Variants in EXOC1L observed in about 807,000 individuals in gnomAD.
EXOC1L encodes exocyst complex component 1 like.
Under a neutral mutation model 4.9 loss-of-function variants are expected in EXOC1L, and 10 were observed. That is an observed-to-expected ratio of 2.02 (90% CI 1.25 to 3.43). The LOEUF (loss-of-function observed/expected upper bound fraction) is 3.43, where lower values mean the gene tolerates loss of function less well. Among genes scored for constraint, EXOC1L ranks in the 30% most tolerant of loss-of-function variants. EXOC1L has a pLI of 0.00. For missense variants in EXOC1L, 114 were observed against 59.4 expected (o/e 1.92, Z -3.02); for synonymous variants, 41 against 20.8 (o/e 1.97, Z -2.63).
At chr4:55,824,270 C>T (rs947121497) in intron 1 of EXOC1L, among the ~76,000 whole-genome samples, 2 of 148,880 alleles carry the variant, frequency 1.3e-5, no homozygotes, top group Non-Finnish European at 3.0e-5. Context: ...CTCTCTCTCT[C>T]TCTCACACAC....
intron 2 of EXOC1L, among the ~76,000 whole-genome samples, chr4:55,834,775 C>T (rs912400568): frequency 6.6e-6 from 1 of 151,608 alleles, no homozygotes; most frequent in Non-Finnish European, 1.5e-5. Flanking sequence ...AAAACCACAC[C>T]ACCTTTATAC....
chr4:55,825,492 T>A (rs1474337844), intron 1 of EXOC1L, among the ~76,000 whole-genome samples: 1 of 152,186 alleles, frequency 6.6e-6, no homozygotes, highest in African/African-American at 2.4e-5. Flanking sequence ...TAAATCCAGG[T>A]CCACTTGTGC....
At chr4:55,830,673 T>C (rs1351993669) in intron 1 of EXOC1L, among the ~76,000 whole-genome samples, 3 of 152,152 alleles carry the variant, frequency 2.0e-5, no homozygotes, top group Non-Finnish European at 2.9e-5. Flanking sequence ...TTTTCCCATA[T>C]CTTTCAAAGT....
At chr4:55,833,302 A>G (rs566880625) in intron 2 of EXOC1L, among the ~76,000 whole-genome samples, 76 of 151,994 alleles carry the variant, frequency 5.0e-4, no homozygotes, top group African/African-American at 1.7e-3. Flanking sequence ...TTTCTAAAAT[A>G]TTACATCAAT....
At chr4:55,828,850 A>AAAACAAAC (rs372951187) in intron 1 of EXOC1L, among the ~76,000 whole-genome samples, 2,238 of 152,060 alleles carry the variant, frequency 0.015, 68 homozygotes, top group African/African-American at 0.051. Flanking sequence ...TTCAAAATGA[A>AAAACAAAC]AAACAAACAA....
chr4:55,831,583 G>T (rs537123418), intron 2 of EXOC1L, 119 bp downstream of exon 2: 1 of 475,494 alleles, frequency 2.1e-6, no homozygotes, highest in South Asian at 3.9e-5. Flanking sequence ...TATATTGTTC[G>T]TAAGTGGCAT....
rs573202106 is a variant in EXOC1L, at chr4:55,830,918, C to T, written c.122-416C>T. 7.9e-5 allele frequency among the ~76,000 whole-genome samples: 12 copies of T among 152,336 alleles called. No individual in the cohort carries two copies. The East Asian group carries it at 2.3e-3, about 29-fold the overall frequency. ...TGTTGCTGTAAAGCAGTACTGTTTA[C>T]TTCCATGACCTCATTTGCTTATATT... is the stretch of plus-strand genomic sequence containing the variant. On this transcript the variant is annotated intron_variant, in intron 1 of 2. Transcript: ENST00000636125.
At chr4:55,825,028 G>A (rs80272183) in intron 1 of EXOC1L, among the ~76,000 whole-genome samples, 6,123 of 152,220 alleles carry the variant, frequency 0.04, 415 homozygotes, top group Admixed American at 0.17. Context: ...GAGCTTTGAA[G>A]GGGGGAAGTA....
chr4:55,832,528 G>GGTTA (rs752567839), intron 2 of EXOC1L, among the ~76,000 whole-genome samples: 40 of 151,830 alleles, frequency 2.6e-4, no homozygotes, highest in Non-Finnish European at 5.0e-4. Flanking sequence ...GATCATTGAT[G>GGTTA]GTTACCATTA....
At chr4:55,824,498 G>A (rs2110280816) in intron 1 of EXOC1L, among the ~76,000 whole-genome samples, 1 of 152,186 alleles carries the variant, frequency 6.6e-6, no homozygotes, top group African/African-American at 2.4e-5. Flanking sequence ...GAGTAGCTGG[G>A]ACTACAGTCA....
intron 1 of EXOC1L, among the ~76,000 whole-genome samples, chr4:55,825,461 A>T (rs757965012): frequency 3.3e-5 from 5 of 152,234 alleles, no homozygotes; most frequent in Admixed American, 2.6e-4. Context: ...TAATCAGCTG[A>T]TAAGTGACTA....
Position 55,837,264 on chromosome 4 carries a change from C to T in EXOC1L, c.432C>T (p.Ser144=). ...TTAACGATGATTCCATTTGGTCCTC[C>T]AACAATAAGGATTGTTTGGTCCTTA... ...TYINDDSIWS[S]NNKDCLVLMR... is the part of the protein sequence containing the mutation. The change falls in exon 3 of 3, where the codon TCC becomes TCT. Residue 144 remains serine (S), a synonymous_variant. Coordinates refer to ENST00000636125, the MANE Select transcript of EXOC1L (RefSeq NM_001351574.3). 3 of 700,506 alleles carry T rather than the reference C, an allele frequency of 4.3e-6. No individual in the cohort carries two copies. Among genetic ancestry groups the T allele is most frequent in the South Asian group, 3.0e-5 (2 of 67,298 alleles). The allele number at this position is 700,506 out of a possible 1,614,324, so 43.4% of individuals were successfully genotyped here.
intron 1 of EXOC1L, among the ~76,000 whole-genome samples, 167 bp from the exon 2 acceptor site, chr4:55,831,167 A>G (rs559604989): frequency 2.6e-5 from 4 of 152,306 alleles, no homozygotes; most frequent in African/African-American, 4.8e-5. Context: ...ATTTGGGGGC[A>G]TACTGTGAAG....
Position 55,819,904 on chromosome 4 carries a change from G to T in EXOC1L, c.-123G>T. 5.1e-6 allele frequency: 2 copies of T among 391,552 alleles called. No homozygotes were observed. The highest frequency in any genetic ancestry group is 9.0e-6 in the Non-Finnish European group (2 of 222,010). The allele number at this position is 391,552 out of a possible 1,614,324, so 24.3% of individuals were successfully genotyped here. A position where few individuals can be genotyped will look rare whatever the true frequency, so the allele number is the denominator to read the frequency against. ...GCTAGGAATGAGAAGTTAAGAGAGG[G>T]AGGGCTGAGAGGTGGGCAGGACTCA... On this transcript the variant is annotated 5_prime_UTR_variant, in exon 1 of 3. Coordinates refer to ENST00000636125, the MANE Select transcript of EXOC1L (RefSeq NM_001351574.3).
At chr4:55,835,607 G>C (rs1278076083) in intron 2 of EXOC1L, among the ~76,000 whole-genome samples, 1 of 152,010 alleles carries the variant, frequency 6.6e-6, no homozygotes, top group Non-Finnish European at 1.5e-5. Context: ...CTGATCATTA[G>C]TGATATTGAG....
At chr4:55,828,301 T>C (rs563342909) in intron 1 of EXOC1L, among the ~76,000 whole-genome samples, 4 of 152,286 alleles carry the variant, frequency 2.6e-5, no homozygotes, top group African/African-American at 7.2e-5. Context: ...ACTGCCCTCA[T>C]GGAGGAAATT....
intron 1 of EXOC1L, among the ~76,000 whole-genome samples, chr4:55,824,563 T>C (rs542717270): frequency 6.6e-6 from 1 of 152,138 alleles, no homozygotes; most frequent in African/African-American, 2.4e-5. Flanking sequence ...GGGGTCTCGC[T>C]ATATTGCCCA....
At position 55,826,375 on chromosome 4, in the gene EXOC1L, C is replaced by T. The variant is rs545894304; in HGVS notation, c.122-4959C>T. Among the ~76,000 whole-genome samples, 7 of 152,216 alleles carry T rather than the reference C, an allele frequency of 4.6e-5. No individual in the cohort carries two copies. In the East Asian group the frequency reaches 7.7e-4, roughly 17 times the overall value. ...TTCTGCCAAATTATATTGGATCAAT[C>T]GGGCAATGTTTCTTCCATTTAGCCT... On this transcript the variant is annotated intron_variant, in intron 1 of 2. Coordinates refer to ENST00000636125, the MANE Select transcript of EXOC1L (RefSeq NM_001351574.3).
At chr4:55,835,919 T>A (rs1465021888) in intron 2 of EXOC1L, among the ~76,000 whole-genome samples, 1 of 151,914 alleles carries the variant, frequency 6.6e-6, no homozygotes, top group African/African-American at 2.4e-5. Flanking sequence ...TATCATTTAT[T>A]AAGCTCCACG....
Sources: gnomAD v4.1 joint callset for allele counts (sites outside exome capture counted in the v4.1 genomes callset) on GRCh38, gnomAD v4.1.1 for gene constraint, MANE v1.5 for transcripts, NCBI Gene and HGNC (gene_info 2026-07-23, HGNC 2026-07-21) for gene names.